Variants in RFX4 observed in about 807,000 individuals in gnomAD.
RFX4 encodes transcription factor RFX4.
RFX4 carries 10 observed loss-of-function variants against 95.0 expected under a neutral mutation model. The observed-to-expected ratio is 0.11, with a 90% CI of 0.06 to 0.18. The LOEUF is 0.18. Ranked by LOEUF, RFX4 falls within the 10% of genes least tolerant of loss-of-function variation. The pLI is 1.00. For missense variants in RFX4, 640 were observed against 922.0 expected, an observed-to-expected ratio of 0.69 and a Z score of 3.96; for synonymous variants, 321 against 340.7, an observed-to-expected ratio of 0.94 and a Z score of 0.64.
chr12:106,724,822 GACA>G (rs2042460988), intron 13 of RFX4, among the ~76,000 whole-genome samples: 1 of 152,060 alleles, frequency 6.6e-6, no homozygotes, highest in Admixed American at 6.6e-5. Flanking sequence ...GACCAGCCTG[GACA>G]ACATGGTGAA....
intron 14 of RFX4, among the ~76,000 whole-genome samples, chr12:106,732,711 A>G (rs1390417161): frequency 6.6e-6 from 1 of 152,016 alleles, no homozygotes; most frequent in Admixed American, 6.5e-5. Flanking sequence ...AAATAAGTAA[A>G]TAAATAAATA....
intron 7 of RFX4, among the ~76,000 whole-genome samples, chr12:106,690,934 CTCATT>C (rs1196970586): frequency 6.6e-6 from 1 of 152,206 alleles, no homozygotes; most frequent in African/African-American, 2.4e-5. Context: ...AAAACTCACT[CTCATT>C]TCATTTCATT....
chr12:106,705,803 A>G (rs1219351420), intron 8 of RFX4, among the ~76,000 whole-genome samples: 1 of 152,078 alleles, frequency 6.6e-6, no homozygotes, highest in Non-Finnish European at 1.5e-5. Context: ...GGGGATGGAG[A>G]GCCATTCATT....
At chr12:106,684,984 T>C in intron 5 of RFX4, 2 of 1,592,538 alleles carry the variant, frequency 1.3e-6, no homozygotes, top group Non-Finnish European at 1.7e-6. Flanking sequence ...CAAAAGCCCT[T>C]CCCATAATTC....
chr12:106,681,497 T>C (rs1323327883), intron 4 of RFX4, among the ~76,000 whole-genome samples: 1 of 152,158 alleles, frequency 6.6e-6, no homozygotes, highest in South Asian at 2.1e-4. Context: ...CACTCCTGGG[T>C]GCAGTACAAA....
intron 2 of RFX4, among the ~76,000 whole-genome samples, chr12:106,610,237 CAA>C (rs398044781): frequency 0.061 from 4,746 of 77,466 alleles, 117 homozygotes; most frequent in African/African-American, 0.17. Context: ...GACTCCATCT[CAA>C]AAAAAAAAAA....
intron 4 of RFX4, among the ~76,000 whole-genome samples, chr12:106,673,077 C>G (rs2137373307): frequency 6.6e-6 from 1 of 152,292 alleles, no homozygotes; most frequent in South Asian, 2.1e-4. Context: ...TCCAACCACA[C>G]TAATATGTTC....
rs182817358 is a variant in RFX4 at position 106,704,264 on chromosome 12, A to G, written c.834-5066A>G. Reference sequence around the variant, plus strand: ...GAATACAGCATTACATAAGATAAGCATGCTCCCTGCTCTCATTGAGTTACA... The same window carrying G: ...GAATACAGCATTACATAAGATAAGCGTGCTCCCTGCTCTCATTGAGTTACA... On this transcript the variant is annotated intron_variant, in intron 8 of 17. Coordinates refer to ENST00000392842, the MANE Select transcript of RFX4 (RefSeq NM_213594.3). 9.2e-5 allele frequency among the ~76,000 whole-genome samples: 14 copies of G among 152,264 alleles called. No individual in the cohort carries two copies. The East Asian group carries it at 2.5e-3, about 27-fold the overall frequency.
chr12:106,598,645 T>A (rs2039654077), intron 1 of RFX4, among the ~76,000 whole-genome samples: 1 of 152,176 alleles, frequency 6.6e-6, no homozygotes, highest in African/African-American at 2.4e-5. Context: ...TCAGGCTGGG[T>A]TAAAATCTAT....
chr12:106,620,195 T>A (rs2040154590), intron 2 of RFX4, among the ~76,000 whole-genome samples: 1 of 152,218 alleles, frequency 6.6e-6, no homozygotes, highest in East Asian at 1.9e-4. Flanking sequence ...CTGGACATTA[T>A]GAATGCAAAG....
In RFX4 at chr12:106,709,426, C is replaced by G; in HGVS notation, c.930C>G (p.Phe310Leu). ...CAGAAAACTTGCGAAACATCAAGTT[C>G]GAATGTAAGTACTGAGTTGAGAGCG... The part of the protein sequence containing the change: ...DLPENLRNIK[F>L]ELSRRFSQIL... The change falls in exon 9 of 18, where the codon TTC (phenylalanine) becomes TTG (leucine). Residue 310 changes from phenylalanine to leucine, a missense_variant. Physicochemically the swap from Phe to Leu is conservative, Grantham distance 22. Around this residue, in one of 7 missense-constraint regions of RFX4, gnomAD observed 96 missense variants for 183.7 expected, o/e 0.52. Transcript: ENST00000392842. 6.2e-7 allele frequency: 1 copy of G among 1,610,684 alleles called. No homozygotes were observed. Among genetic ancestry groups the G allele is most frequent in the South Asian group, 1.1e-5 (1 of 90,476 alleles).
At chr12:106,658,431 G>C (rs534944556) in intron 4 of RFX4, among the ~76,000 whole-genome samples, 1 of 152,240 alleles carries the variant, frequency 6.6e-6, no homozygotes, top group African/African-American at 2.4e-5. Context: ...CATCAGTCTT[G>C]GCTGAATAAT....
intron 2 of RFX4, among the ~76,000 whole-genome samples, chr12:106,635,136 C>T (rs557014787): frequency 6.6e-6 from 1 of 152,110 alleles, no homozygotes; most frequent in Non-Finnish European, 1.5e-5. Flanking sequence ...TAGGATTATT[C>T]GAATCTAGGT....
intron 3 of RFX4, among the ~76,000 whole-genome samples, chr12:106,652,655 G>A (rs2040876991): frequency 6.6e-6 from 1 of 152,194 alleles, no homozygotes; most frequent in African/African-American, 2.4e-5. Context: ...TCAGCACCAG[G>A]TTTTGTCTTG....
intron 4 of RFX4, among the ~76,000 whole-genome samples, chr12:106,672,058 CT>C (rs560349149): frequency 3.7e-4 from 56 of 152,260 alleles, no homozygotes; most frequent in African/African-American, 1.3e-3. Context: ...GACAGTTCCT[CT>C]TTTCACTCTT....
In RFX4 at chr12:106,715,397, T is replaced by C. The variant is rs1284896405; in HGVS notation, c.994-3T>C. 8.1e-6 allele frequency: 13 copies of C among 1,613,788 alleles called. No individual in the cohort carries two copies. The highest frequency in any genetic ancestry group is 1.0e-5 in the Non-Finnish European group (12 of 1,179,858). ...CTAACGAGTTGATTGGATTGGATTA[T>C]AGGCATCTCGAACAGTGATCCACAG... On this transcript the variant is annotated splice_region_variant and splice_polypyrimidine_tract_variant and intron_variant, in intron 10 of 17. Coordinates refer to ENST00000392842, the MANE Select transcript of RFX4 (RefSeq NM_213594.3).
chr12:106,747,306 C>G lies in RFX4; in HGVS notation c.1634-131C>G, dbSNP rs138868954. 2.0e-4 allele frequency: 183 copies of G among 930,620 alleles called. No individual in the cohort carries two copies. In the African/African-American group the frequency reaches 2.7e-3, roughly 14 times the overall value. The allele number at this position is 930,620 out of a possible 1,614,324, so 57.6% of individuals were successfully genotyped here. On this transcript the variant is annotated intron_variant, in intron 15 of 17. Coordinates refer to ENST00000392842, the MANE Select transcript of RFX4 (RefSeq NM_213594.3). ...TGGGGGATGCCTCTGGTGAGCTCAG[C>G]AGAGTCAGAGATACATGTCTTATAA... is the stretch of plus-strand genomic sequence containing the variant.
At chr12:106,715,569 T>C in intron 11 of RFX4, 25 bp downstream of exon 11, 1 of 1,606,612 alleles carries the variant, frequency 6.2e-7, no homozygotes, top group Non-Finnish European at 8.5e-7. Context: ...CAGGGATTGT[T>C]GTCCTGTTTT....
intron 16 of RFX4, among the ~76,000 whole-genome samples, chr12:106,749,257 C>CAA (rs1162244017): frequency 1.2e-3 from 60 of 49,000 alleles, no homozygotes; most frequent in East Asian, 4.1e-3. Flanking sequence ...TACTCCAACT[C>CAA]AAAAAAAAAA....
Sources: allele counts gnomAD v4.1 joint callset (sites outside exome capture counted in the v4.1 genomes callset), GRCh38; gene constraint gnomAD v4.1.1; regional missense constraint gnomAD v4.1.1; transcripts MANE v1.5; gene names NCBI Gene and HGNC (gene_info 2026-07-23, HGNC 2026-07-21).